The following USP50 variants were observed in gnomAD, a reference collection of about 807,000 sequenced individuals.
USP50 encodes the protein ubiquitin specific peptidase 50.
In USP50, 37 loss-of-function variants were observed where a neutral mutation model predicts 39.2. The observed-to-expected ratio is 0.94, with a 90% CI of 0.73 to 1.24. The LOEUF (loss-of-function observed/expected upper bound fraction) is 1.24, where lower values mean the gene tolerates loss of function less well. Among genes scored for constraint, USP50 ranks in the 50% most tolerant of loss-of-function variants. The probability of loss-of-function intolerance (pLI) is 0.00; values close to 1 mark genes in which losing one functional copy is unlikely to be tolerated. For synonymous variants in USP50, 139 were observed against 144.5 expected, an observed-to-expected ratio of 0.96 and a Z score of 0.27; for missense variants, 374 against 398.2, an observed-to-expected ratio of 0.94 and a Z score of 0.52.
downstream of USP50, chr15:50,493,849 G>C (rs1054255441): frequency 2.9e-6 from 2 of 686,420 alleles, no homozygotes; most frequent in East Asian, 5.7e-5. Flanking sequence ...TGTTGATGAT[G>C]AGGAGACCAT....
At chr15:50,493,333 G>A (rs987778359), downstream of USP50, 1 of 520,418 alleles carries the variant, frequency 1.9e-6, no homozygotes, top group Middle Eastern at 3.2e-4. Context: ...GCATTTTGGT[G>A]TAGGGCTACA....
intron 5 of USP50, chr15:50,531,907 T>C (rs1003311304): frequency 2.2e-5 from 6 of 268,206 alleles, no homozygotes; most frequent in Non-Finnish European, 4.5e-5. Context: ...GAAAGGAAAA[T>C]AAACAGCTCT....
At chr15:50,546,361 G>T (rs751964602) in intron 1 of USP50, 112 bp downstream of exon 1, 28 of 1,122,066 alleles carry the variant, frequency 2.5e-5, no homozygotes, top group Admixed American at 3.9e-5. Context: ...GACCTTCCAT[G>T]GGTCACACCT....
intron 1 of USP50, among the ~76,000 whole-genome samples, chr15:50,494,815 G>C (rs896338880): frequency 2.6e-5 from 4 of 152,138 alleles, no homozygotes; most frequent in African/African-American, 9.7e-5. Flanking sequence ...AGGAGTTTGA[G>C]CCCAGCCTGG....
At chr15:50,533,675 G>T (rs891799399) in intron 5 of USP50, among the ~76,000 whole-genome samples, 2 of 152,164 alleles carry the variant, frequency 1.3e-5, no homozygotes, top group African/African-American at 4.8e-5. Context: ...AAAATTAAGG[G>T]AATTTTTTGC....
chr15:50,532,405 A>G (rs1255254802), intron 5 of USP50, among the ~76,000 whole-genome samples: 1 of 152,058 alleles, frequency 6.6e-6, no homozygotes, highest in East Asian at 1.9e-4. Flanking sequence ...ATCCTGTTCC[A>G]CCGAAGCGGG....
At chr15:50,525,955 G>T (rs1260283517) in intron 6 of USP50, among the ~76,000 whole-genome samples, 2 of 151,934 alleles carry the variant, frequency 1.3e-5, no homozygotes, top group Non-Finnish European at 2.9e-5. Flanking sequence ...TTGTGGAAAA[G>T]AATACATGGG....
At chr15:50,542,473 TC>T (rs1253813157) in intron 3 of USP50, among the ~76,000 whole-genome samples, 62 of 148,858 alleles carry the variant, frequency 4.2e-4, no homozygotes, top group African/African-American at 1.4e-3. Flanking sequence ...TTTTTTTTTT[TC>T]CTTTTCATTT....
chr15:50,529,198 T>C (rs2052921119), intron 6 of USP50, among the ~76,000 whole-genome samples: 2 of 151,874 alleles, frequency 1.3e-5, no homozygotes, highest in South Asian at 4.2e-4. Flanking sequence ...CACAAAGTGG[T>C]TCACGGTTAT....
At chr15:50,493,755 A>G, downstream of USP50, 1 of 428,304 alleles carries the variant, frequency 2.3e-6, no homozygotes, top group Non-Finnish European at 4.4e-6. Flanking sequence ...CTCAAAAAAG[A>G]GTAAAGCCTT....
chr15:50,525,616 ATATATG>A (rs1452629385), intron 6 of USP50, among the ~76,000 whole-genome samples: 5 of 136,062 alleles, frequency 3.7e-5, no homozygotes, highest in Admixed American at 1.7e-4. Flanking sequence ...GTATATATGT[ATATATG>A]TATATGTATA....
downstream of USP50, chr15:50,499,864 T>TA (rs1395000470): frequency 6.6e-6 from 1 of 152,174 alleles, no homozygotes; most frequent in Non-Finnish European, 1.5e-5. Context: ...ACACGTGCTA[T>TA]ATAATAACAC....
At chr15:50,501,463 G>A (rs1352139837) in intron 6 of USP50, 1 of 151,974 alleles carries the variant, frequency 6.6e-6, no homozygotes, top group Non-Finnish European at 1.5e-5. Context: ...GACAGAGTGA[G>A]ACCCTGTCTT....
downstream of USP50, chr15:50,496,099 T>C: frequency 1.3e-6 from 2 of 1,561,986 alleles, no homozygotes; most frequent in South Asian, 1.2e-5. Flanking sequence ...GTTTAAGAAG[T>C]AGAGAGAAAA....
intron 6 of USP50, among the ~76,000 whole-genome samples, chr15:50,516,432 C>A (rs566915640): frequency 6.6e-6 from 1 of 152,166 alleles, no homozygotes; most frequent in African/African-American, 2.4e-5. Flanking sequence ...GCCTGGCCAA[C>A]ATGGTGAAAC....
At chr15:50,496,765 A>G (rs891228088), downstream of USP50, 2 of 190,784 alleles carry the variant, frequency 1.0e-5, no homozygotes, top group African/African-American at 4.6e-5. Flanking sequence ...AATGTTTCTT[A>G]TATAAAAGCT....
chr15:50,516,478 G>A (rs1007273415), intron 6 of USP50, among the ~76,000 whole-genome samples: 6 of 152,028 alleles, frequency 3.9e-5, no homozygotes, highest in South Asian at 2.1e-4. Flanking sequence ...GTAGCCGGGC[G>A]TGGTGGCGGG....
chr15:50,523,175 CTTTTT>C (rs57450027), intron 6 of USP50, among the ~76,000 whole-genome samples: 1 of 104,204 alleles, frequency 9.6e-6, no homozygotes. Flanking sequence ...AAATCAGTAG[CTTTTT>C]TTTTTTTTTT....
At position 50,544,715 on chromosome 15, in the gene USP50, A is replaced by T. The variant is rs1248658842; in HGVS notation, c.120T>A (p.Phe40Leu). ...AGTTCCACAAGCCAGTGACACCCTG[A>T]AAATGGGGCTGGTTCCCATCAGCCT... ...VKEADGNQPHFQGVTGLWNLG... is the reference protein window; with the variant it reads ...VKEADGNQPHLQGVTGLWNLG... Residue 40 changes from phenylalanine to leucine, a missense_variant, in exon 2 of 7, where the codon TTT (phenylalanine) becomes TTA (leucine). By Grantham distance (22) the Phe-to-Leu change is conservative (BLOSUM62 0). Transcript: ENST00000532404. 1 of 1,614,034 alleles carries T rather than the reference A, an allele frequency of 6.2e-7. No individual in the cohort carries two copies. The highest frequency in any genetic ancestry group is 1.1e-5 in the South Asian group (1 of 91,084).
Sources: allele counts gnomAD v4.1 joint callset (sites outside exome capture counted in the v4.1 genomes callset), GRCh38; gene constraint gnomAD v4.1.1; transcripts MANE v1.5; gene names NCBI Gene and HGNC (gene_info 2026-07-23, HGNC 2026-07-21).